The following SYT8 variants were observed in gnomAD, a reference collection of about 807,000 sequenced individuals.
The protein encoded by SYT8 is synaptotagmin 8, also known as synaptotagmin-8.
Under a neutral mutation model 34.9 loss-of-function variants are expected in SYT8, and 50 were observed. The observed-to-expected ratio is 1.43, with a 90% CI of 1.14 to 1.81. SYT8 has a LOEUF of 1.81. Among genes scored for constraint, SYT8 ranks in the 40% most tolerant of loss-of-function variants. The pLI is 0.00. For synonymous variants in SYT8, 255 were observed against 234.2 expected, an observed-to-expected ratio of 1.09 and a Z score of -0.81; for missense variants, 595 against 529.0, an observed-to-expected ratio of 1.12 and a Z score of -1.22.
At chr11:1,834,858 G>A (rs1846813372), upstream of SYT8, 4 of 628,172 alleles carry the variant, frequency 6.4e-6, no homozygotes, top group South Asian at 7.7e-5. This position sits in a 1 kb window ranked among gnomAD's most constrained non-coding sequence, Gnocchi z 4.5. Flanking sequence ...GGGCTGCTGG[G>A]AGGTGGCTGG....
chr11:1,832,097 G>A (rs572436265), upstream of SYT8, among the ~76,000 whole-genome samples: 2 of 152,340 alleles, frequency 1.3e-5, no homozygotes, highest in East Asian at 1.9e-4. Flanking sequence ...GCTCACCCCC[G>A]TTCTGCCTGG....
rs370098941 is a variant in SYT8 at position 1,836,906 on chromosome 11, G to C, written c.790+45G>C. The C allele has an allele frequency of 5.0e-6, 8 of 1,612,636 alleles. No homozygotes were observed. The African/African-American group carries it at 9.3e-5, about 19-fold the overall frequency. ...ACGTTGTTGTACAGAGGGGGGGCCC[G>C]TGCTCAGCCCCGAGCCCTGGGATGC... On this transcript the variant is annotated intron_variant, in intron 6 of 7. Coordinates refer to ENST00000341958, the MANE Select transcript of SYT8 (RefSeq NM_001394072.1).
Position 1,837,091 on chromosome 11 carries a change from G to T in SYT8, c.924+1G>T, listed in dbSNP as rs531337996. 5.6e-6 allele frequency: 9 copies of T among 1,613,448 alleles called. No homozygotes were observed. In the East Asian group the frequency reaches 1.8e-4, roughly 32 times the overall value. On this transcript the variant is annotated splice_donor_variant, in intron 7 of 7. Transcript: ENST00000341958. LOFTEE classifies it high-confidence loss of function. ...CCTGGTGCCCTTCAGCCAGGTCCAGGTGGGCCACCGGGAGGCAGGGGCAGA... is the reference window on the plus strand; with the variant it reads ...CCTGGTGCCCTTCAGCCAGGTCCAGTTGGGCCACCGGGAGGCAGGGGCAGA...
Position 1,835,280 on chromosome 11 carries a change from C to A in SYT8, c.95-16C>A. The A allele has an allele frequency of 6.2e-7, 1 of 1,600,478 alleles. No homozygotes were observed. Among genetic ancestry groups the A allele is most frequent in the South Asian group, 1.1e-5 (1 of 90,046 alleles). ...GCAGCTGTCCACAGATGCACTCAGC[C>A]TGGCCTCTACCCCAGGGCCCCGCTG... On this transcript the variant is annotated splice_polypyrimidine_tract_variant and intron_variant, in intron 1 of 7. Coordinates refer to ENST00000341958, the MANE Select transcript of SYT8 (RefSeq NM_001394072.1).
At position 1,836,786 on chromosome 11, in the gene SYT8, C is replaced by G; in HGVS notation, c.715C>G (p.Leu239Val). ...PEQVGELCFS[L>V]RYVPSSGRLT... is the part of the protein sequence containing the mutation. ...GCAGGTCGGGGAGCTGTGCTTCTCTCTCCGGTACGTGCCCAGCTCAGGCCG... is the reference window on the plus strand; with the variant it reads ...GCAGGTCGGGGAGCTGTGCTTCTCTGTCCGGTACGTGCCCAGCTCAGGCCG... The change falls in exon 6 of 8, where the codon CTC (leucine) becomes GTC (valine). Residue 239 changes from leucine to valine, a missense_variant. Coordinates refer to ENST00000341958, the MANE Select transcript of SYT8 (RefSeq NM_001394072.1). The G allele has an allele frequency of 3.7e-6, 6 of 1,610,688 alleles. No homozygotes were observed. The highest frequency in any genetic ancestry group is 5.1e-6 in the Non-Finnish European group (6 of 1,179,958).
intron 3 of SYT8, 58 bp downstream of exon 3, chr11:1,836,042 G>A (rs61635269): frequency 6.3e-7 from 1 of 1,585,492 alleles, no homozygotes; most frequent in Non-Finnish European, 8.6e-7. Context: ...AAGGGTGACG[G>A]GGGAAGGGCA....
At chr11:1,834,627 G>A (rs1192127353), upstream of SYT8, 1 of 1,579,062 alleles carries the variant, frequency 6.3e-7, no homozygotes, top group South Asian at 1.2e-5. This position sits in a 1 kb window ranked among gnomAD's most constrained non-coding sequence, Gnocchi z 4.5. Flanking sequence ...GGTGCGTGCT[G>A]GGGTAGAGGC....
intron 2 of SYT8, 108 bp from the exon 3 acceptor site, chr11:1,835,778 T>C: frequency 1.0e-6 from 1 of 996,290 alleles, no homozygotes; most frequent in Non-Finnish European, 1.5e-6. Context: ...TGGCCTGGCC[T>C]GGAGGCGGGG....
chr11:1,833,405 A>G (rs547973516), upstream of SYT8, among the ~76,000 whole-genome samples: 1 of 152,380 alleles, frequency 6.6e-6, no homozygotes, highest in East Asian at 1.9e-4. Context: ...TAAGAATTTC[A>G]AGATGGCCCC....
At chr11:1,834,848 G>A (rs1490412442), upstream of SYT8, 3 of 632,644 alleles carry the variant, frequency 4.7e-6, no homozygotes, top group Admixed American at 3.0e-5. The surrounding 1 kb of genome is among the most constrained non-coding windows in gnomAD (Gnocchi z 4.5). Context: ...CTGGGGCTGG[G>A]GGCTGCTGGG....
intron 2 of SYT8, 115 bp from the exon 3 acceptor site, chr11:1,835,771 C>A: frequency 1.1e-6 from 1 of 935,076 alleles, no homozygotes; most frequent in Non-Finnish European, 1.7e-6. Flanking sequence ...TGTTGGGTGG[C>A]CTGGCCTGGA....
In SYT8 at chr11:1,835,902, A is replaced by G; in HGVS notation, c.275A>G (p.Asp92Gly). The change falls in exon 3 of 8, where the codon GAT becomes GGT. Residue 92 changes from aspartate to glycine, a missense_variant. Coordinates refer to ENST00000341958, the MANE Select transcript of SYT8 (RefSeq NM_001394072.1). ...TTTHLVQPDV[D>G]GLESSPGDAQ... ...TCACTCCAGGTGCAACCTGATGTGG[A>G]TGGCCTGGAGTCCAGCCCGGGGGAT... The G allele has an allele frequency of 6.2e-7, 1 of 1,611,738 alleles. No homozygotes were observed. Among genetic ancestry groups the G allele is most frequent in the Non-Finnish European group, 8.5e-7 (1 of 1,179,354 alleles).
chr11:1,835,599 G>T (rs1400188246), intron 2 of SYT8, 140 bp downstream of exon 2: 2 of 1,023,810 alleles, frequency 2.0e-6, no homozygotes, highest in Non-Finnish European at 2.9e-6. Flanking sequence ...TCCTGGCAGG[G>T]AAAGTGGGTG....
At position 1,835,961 on chromosome 11, in the gene SYT8, G is replaced by C; in HGVS notation, c.334G>C (p.Glu112Gln). 2 of 1,606,208 alleles carry C rather than the reference G, an allele frequency of 1.2e-6. No individual in the cohort carries two copies. The highest frequency in any genetic ancestry group is 1.1e-5 in the South Asian group (1 of 90,044). The change falls in exon 3 of 8, where the codon GAG (glutamate) becomes CAG (glutamine). Residue 112 changes from glutamate to glutamine, a missense_variant. Coordinates refer to ENST00000341958, the MANE Select transcript of SYT8 (RefSeq NM_001394072.1). Reference protein sequence around the residue: ...QQWGCLQLSLEFDFGSQEIRV... With the variant: ...QQWGCLQLSLQFDFGSQEIRV... ...ATGGGGGTGCCTGCAGCTCTCCCTGGAGTTCGACTTTGGAAGCCAGGAGGT... is the reference window on the plus strand; with the variant it reads ...ATGGGGGTGCCTGCAGCTCTCCCTGCAGTTCGACTTTGGAAGCCAGGAGGT...
intron 2 of SYT8, 21 bp from the exon 3 acceptor site, chr11:1,835,865 C>G (rs1026365963): frequency 3.1e-6 from 5 of 1,603,512 alleles, no homozygotes; most frequent in Non-Finnish European, 3.4e-6. Context: ...ACCACCTGCC[C>G]CTTGTCCCAA....
rs770768872 is a variant in SYT8, at chr11:1,835,319, G to T, written c.118G>T (p.Gly40Cys). 2.5e-6 allele frequency: 4 copies of T among 1,601,516 alleles called. No individual in the cohort carries two copies. Among genetic ancestry groups the T allele is most frequent in the South Asian group, 2.2e-5 (2 of 90,396 alleles). Residue 40 changes from glycine (G) to cysteine (C), a missense_variant, in exon 2 of 8, where the codon GGC becomes TGC. Physicochemically the swap from Gly to Cys is radical, Grantham distance 159. Transcript: ENST00000341958. ...AGGGCCCCGCTGGGCTCTCATTGCC[G>T]GCGCCCTTGCCGCGGGCGTCCTCCT... Reference protein sequence around the residue: ...TPWPRWALIAGALAAGVLLVS... With the variant: ...TPWPRWALIACALAAGVLLVS...
At chr11:1,836,653 G>A (rs1846953236) in intron 5 of SYT8, 61 bp downstream of exon 5, 2 of 1,595,376 alleles carry the variant, frequency 1.3e-6, no homozygotes, top group Non-Finnish European at 1.7e-6. Flanking sequence ...CTGCCCTATG[G>A]GCCATCGGAA....
At chr11:1,836,628 G>A in intron 5 of SYT8, 36 bp downstream of exon 5, 1 of 1,603,366 alleles carries the variant, frequency 6.2e-7, no homozygotes, top group Non-Finnish European at 8.5e-7. Flanking sequence ...GCCCAAGGCA[G>A]AGCTGGCAGG....
Position 1,835,890 on chromosome 11 carries a change from A to G in SYT8, c.263A>G (p.Gln88Arg). 1 of 1,611,994 alleles carries G rather than the reference A, an allele frequency of 6.2e-7. No homozygotes were observed. The highest frequency in any genetic ancestry group is 8.5e-7 in the Non-Finnish European group (1 of 1,179,310). Residue 88 changes from glutamine (Q) to arginine (R), a missense_variant, in exon 3 of 8, where the codon CAA becomes CGA. Physicochemically the swap from Gln to Arg is conservative, Grantham distance 43 (BLOSUM62 1). Coordinates refer to ENST00000341958, the MANE Select transcript of SYT8 (RefSeq NM_001394072.1). ...ARGTTTTHLVQPDVDGLESSP... is the reference protein window; with the variant it reads ...ARGTTTTHLVRPDVDGLESSP... ...CCTTGTCCCAACTCACTCCAGGTGC[A>G]ACCTGATGTGGATGGCCTGGAGTCC...
Sources: gnomAD v4.1 joint callset for allele counts (sites outside exome capture counted in the v4.1 genomes callset) on GRCh38, gnomAD v4.1.1 for gene constraint, Gnocchi (gnomAD v3.1) non-coding constraint, MANE v1.5 for transcripts, NCBI Gene and HGNC (gene_info 2026-07-23, HGNC 2026-07-21) for gene names.